TUT4: variants seen among roughly 807,000 people sequenced by gnomAD.
The protein encoded by TUT4 is terminal uridylyl transferase 4.
In TUT4, 36 loss-of-function variants were observed where a neutral mutation model predicts 192.2. That is an observed-to-expected ratio of 0.19 (90% CI 0.14 to 0.25). TUT4 has a LOEUF of 0.25. TUT4 is among the 10% of genes least tolerant of loss of function. The probability of loss-of-function intolerance (pLI) is 1.00; values close to 1 mark genes in which losing one functional copy is unlikely to be tolerated. For synonymous variants in TUT4, 618 were observed against 666.0 expected, an observed-to-expected ratio of 0.93 and a Z score of 1.11; for missense variants, 1,493 against 1,957.2, an observed-to-expected ratio of 0.76 and a Z score of 4.47.
chr1:52,541,399 G>C (rs569022749), intron 1 of TUT4, among the ~76,000 whole-genome samples: 1 of 151,850 alleles, frequency 6.6e-6, no homozygotes, highest in South Asian at 2.1e-4. Flanking sequence ...GAACATGGTG[G>C]CAGGCGCCAG....
At chr1:52,526,946 C>A (rs934614206) in intron 1 of TUT4, among the ~76,000 whole-genome samples, 2 of 152,124 alleles carry the variant, frequency 1.3e-5, no homozygotes, top group Non-Finnish European at 2.9e-5. Context: ...ATCACTTGAA[C>A]CCGGGAGGCA....
chr1:52,505,794 C>T (rs900355335), intron 4 of TUT4, among the ~76,000 whole-genome samples: 2 of 151,844 alleles, frequency 1.3e-5, no homozygotes, highest in African/African-American at 4.8e-5. Context: ...ACATAGTTTT[C>T]TCTGTTTGCT....
intron 2 of TUT4, among the ~76,000 whole-genome samples, chr1:52,521,170 G>A (rs1680169685): frequency 6.6e-6 from 1 of 152,124 alleles, no homozygotes; most frequent in African/African-American, 2.4e-5. Context: ...CCATAAGAGT[G>A]GAATTATCGG....
chr1:52,529,673 C>T (rs559182831), intron 1 of TUT4: 12 of 152,100 alleles, frequency 7.9e-5, no homozygotes, highest in African/African-American at 2.9e-4. Context: ...ACATTTTAGA[C>T]AATTTATTCA....
chr1:52,502,810 G>C (rs1674523560), intron 4 of TUT4, among the ~76,000 whole-genome samples: 1 of 151,994 alleles, frequency 6.6e-6, no homozygotes, highest in African/African-American at 2.4e-5. Flanking sequence ...TATTGGTAGA[G>C]ATGGGGTTTC....
intron 2 of TUT4, among the ~76,000 whole-genome samples, chr1:52,523,702 CA>C (rs1053790353): frequency 6.6e-6 from 1 of 151,902 alleles, no homozygotes; most frequent in African/African-American, 2.4e-5. Context: ...CCAGTATTAT[CA>C]CTTATTTGAT....
intron 2 of TUT4, among the ~76,000 whole-genome samples, chr1:52,523,049 G>A (rs1262653720): frequency 8.2e-6 from 1 of 121,820 alleles, no homozygotes; most frequent in Non-Finnish European, 1.6e-5. Flanking sequence ...CTGGAGTGCA[G>A]TGGCGCGATC....
intron 2 of TUT4, among the ~76,000 whole-genome samples, chr1:52,519,136 T>C (rs1294641915): frequency 1.3e-5 from 2 of 152,102 alleles, no homozygotes; most frequent in Non-Finnish European, 2.9e-5. Flanking sequence ...ATCCATCAAC[T>C]GATGAATGGA....
At chr1:52,488,410 T>C (rs1473746609) in intron 9 of TUT4, among the ~76,000 whole-genome samples, 1 of 152,210 alleles carries the variant, frequency 6.6e-6, no homozygotes, top group Non-Finnish European at 1.5e-5. Context: ...CCACAGCCTT[T>C]AGACATACAA....
chr1:52,509,685 A>G lies in TUT4; in HGVS notation c.910T>C (p.Tyr304His), dbSNP rs745768878. 2 of 1,611,570 alleles carry G rather than the reference A, an allele frequency of 1.2e-6. No homozygotes were observed. The highest frequency in any genetic ancestry group is 3.3e-5 in the Admixed American group (2 of 59,988). The change falls in exon 4 of 30, where the codon TAT becomes CAT. Residue 304 changes from tyrosine (Y) to histidine (H), a missense_variant. Around this residue, in one of 7 missense-constraint regions of TUT4, gnomAD observed 437 missense variants for 577.6 expected, o/e 0.76. Coordinates refer to ENST00000257177, the MANE Select transcript of TUT4 (RefSeq NM_001009881.3). ...KRSPEYTNCR[Y>H]LCKLCLIHIE... The stretch of plus-strand genomic sequence containing the variant: ...TGAATTAAGCAAAGTTTGCATAGAT[A>G]CCGACAATTGGTATATTCTGGTGAT...
chr1:52,516,622 T>A (rs1422997368), intron 2 of TUT4, among the ~76,000 whole-genome samples: 1 of 152,226 alleles, frequency 6.6e-6, no homozygotes, highest in Non-Finnish European at 1.5e-5. Context: ...CACCTTTGCA[T>A]CTGCAGCATC....
At chr1:52,524,538 T>G (rs969881505) in intron 2 of TUT4, among the ~76,000 whole-genome samples, 1 of 146,994 alleles carries the variant, frequency 6.8e-6, no homozygotes, top group Non-Finnish European at 1.5e-5. Context: ...AAAAAAAAAC[T>G]CTTCCATGCC....
intron 28 of TUT4, among the ~76,000 whole-genome samples, chr1:52,426,514 C>A (rs1275750238): frequency 6.6e-6 from 1 of 152,122 alleles, no homozygotes; most frequent in African/African-American, 2.4e-5. Flanking sequence ...CACTAAACTT[C>A]TCAGCAGGAA....
chr1:52,446,382 G>A lies in TUT4; in HGVS notation c.3574C>T (p.Leu1192=). ...AACTCTTCAGTATAGAAACGAAGCA[G>A]TCCCAGCCAAAGCTCCCCTAATGAT... ...TESLGELWLG[L]LRFYTEEFDF... The change falls in exon 22 of 30, where the codon CTG becomes TTG. Residue 1192 remains leucine, a synonymous_variant. Transcript: ENST00000257177. 5 of 1,613,296 alleles carry A rather than the reference G, an allele frequency of 3.1e-6. No individual in the cohort carries two copies.
Position 52,481,919 on chromosome 1 carries a change from C to T in TUT4, c.1520G>A (p.Cys507Tyr), listed in dbSNP as rs767029828. The change falls in exon 10 of 30, where the codon TGC (cysteine) becomes TAC (tyrosine). Residue 507 changes from cysteine to tyrosine, a missense_variant. Around this residue, in one of 7 missense-constraint regions of TUT4, gnomAD observed 437 missense variants for 577.6 expected, o/e 0.76. Coordinates refer to ENST00000257177, the MANE Select transcript of TUT4 (RefSeq NM_001009881.3). ...ACCATCAGTTTGGGAGTCAATATAGCACAACTGCAAAATGAAGGGGAAAAA... is the reference window on the plus strand; with the variant it reads ...ACCATCAGTTTGGGAGTCAATATAGTACAACTGCAAAATGAAGGGGAAAAA... ...VLAFRYWAKLCYIDSQTDGGI... is the reference protein window; with the variant it reads ...VLAFRYWAKLYYIDSQTDGGI... 6.6e-7 allele frequency: 1 copy of T among 1,518,480 alleles called. No homozygotes were observed. The highest frequency in any genetic ancestry group is 2.4e-5 in the Admixed American group (1 of 42,028). The allele number at this position is 1,518,480 out of a possible 1,614,324, so 94.1% of individuals were successfully genotyped here. A position where few individuals can be genotyped will look rare whatever the true frequency, so the allele number is the denominator to read the frequency against.
At chr1:52,501,530 C>T (rs1674077043) in intron 4 of TUT4, among the ~76,000 whole-genome samples, 1 of 152,098 alleles carries the variant, frequency 6.6e-6, no homozygotes. Flanking sequence ...AATGATGTCA[C>T]CACTGTGGAA....
Position 52,525,977 on chromosome 1 carries a change from G to T in TUT4, c.304C>A (p.Pro102Thr). ...TTTTCGGCTTTCACCGGTGAATTAG[G>T]AAATTTTTTTGCTTTGCAATGACTT... ...DQSHCKAKKF[P>T]NSPVKAEKAT... The change falls in exon 2 of 30, where the codon CCT (proline) becomes ACT (threonine). Residue 102 changes from proline to threonine, a missense_variant. By Grantham distance (38) the Pro-to-Thr change is conservative. Around this residue, in one of 7 missense-constraint regions of TUT4, gnomAD observed 260 missense variants for 247.8 expected, o/e 1.05. Coordinates refer to ENST00000257177, the MANE Select transcript of TUT4 (RefSeq NM_001009881.3). The T allele has an allele frequency of 6.2e-7, 1 of 1,614,118 alleles. No individual in the cohort carries two copies. The highest frequency in any genetic ancestry group is 8.5e-7 in the Non-Finnish European group (1 of 1,180,014).
chr1:52,527,590 A>G (rs1270816081), intron 1 of TUT4, among the ~76,000 whole-genome samples: 1 of 152,166 alleles, frequency 6.6e-6, no homozygotes, highest in Non-Finnish European at 1.5e-5. Flanking sequence ...AGAGTTTAAA[A>G]AAAAACAAAA....
intron 19 of TUT4, among the ~76,000 whole-genome samples, chr1:52,458,806 G>A (rs1254837739): frequency 6.6e-6 from 1 of 152,062 alleles, no homozygotes; most frequent in East Asian, 1.9e-4. Flanking sequence ...AATTACAAAA[G>A]CACATTTTCT....
Sources: gnomAD v4.1 joint callset for allele counts (sites outside exome capture counted in the v4.1 genomes callset) on GRCh38, gnomAD v4.1.1 for gene constraint, gnomAD v4.1.1 regional missense constraint, MANE v1.5 for transcripts, NCBI Gene and HGNC (gene_info 2026-07-23, HGNC 2026-07-21) for gene names.